Variants in SLC2A13 observed in about 807,000 individuals in gnomAD.
SLC2A13 encodes the protein solute carrier family 2 member 13.
Under a neutral mutation model 64.4 loss-of-function variants are expected in SLC2A13, and 32 were observed. The observed-to-expected ratio is 0.50, with a 90% CI of 0.37 to 0.67. The LOEUF (loss-of-function observed/expected upper bound fraction) is 0.67, where lower values mean the gene tolerates loss of function less well. Among genes scored for constraint, SLC2A13 ranks in the 30% least tolerant of loss-of-function variants. SLC2A13 has a pLI of 0.00. For synonymous variants in SLC2A13, 338 were observed against 327.1 expected (o/e 1.03, Z -0.36); for missense variants, 743 against 829.2 (o/e 0.90, Z 1.28).
intron 3 of SLC2A13, among the ~76,000 whole-genome samples, chr12:39,960,994 G>A (rs904650218): frequency 1.3e-5 from 2 of 150,206 alleles, no homozygotes; most frequent in African/African-American, 4.9e-5. Flanking sequence ...TGATCCACTC[G>A]TCTTGGCCTT....
Position 40,077,431 on chromosome 12 carries a change from T to C in SLC2A13, c.556+27822A>G, listed in dbSNP as rs186261984. ...GTAATCCTTTCCCCATTGCTTGTTA[T>C]TGTCGACTTTGTCAAAGATCAGATG... On this transcript the variant is annotated intron_variant, in intron 1 of 9. Coordinates refer to ENST00000280871, the MANE Select transcript of SLC2A13 (RefSeq NM_052885.4). Among the ~76,000 whole-genome samples, 6 of 152,336 alleles carry C rather than the reference T, an allele frequency of 3.9e-5. No individual in the cohort carries two copies. In the East Asian group the frequency reaches 1.2e-3, roughly 29 times the overall value.
At chr12:39,855,068 A>T (rs1467235325) in intron 6 of SLC2A13, among the ~76,000 whole-genome samples, 2 of 152,202 alleles carry the variant, frequency 1.3e-5, no homozygotes, top group African/African-American at 4.8e-5. Flanking sequence ...GCAACAACAG[A>T]AGTCACATAT....
At chr12:39,857,334 T>A (rs932586767) in intron 6 of SLC2A13, among the ~76,000 whole-genome samples, 8 of 152,178 alleles carry the variant, frequency 5.3e-5, no homozygotes, top group African/African-American at 1.9e-4. Flanking sequence ...CAGATTTACA[T>A]GCCTAAAATT....
At chr12:39,982,514 G>A (rs1011672603) in intron 3 of SLC2A13, among the ~76,000 whole-genome samples, 1 of 151,408 alleles carries the variant, frequency 6.6e-6, no homozygotes, top group African/African-American at 2.4e-5. Context: ...AAAATCACAA[G>A]CATTCTTATA....
chr12:39,811,083 T>G (rs1942143403), intron 7 of SLC2A13, among the ~76,000 whole-genome samples: 6 of 152,098 alleles, frequency 3.9e-5, no homozygotes, highest in Admixed American at 3.9e-4. Flanking sequence ...AATTTGATTT[T>G]TTAAATAGAT....
At chr12:40,092,712 G>T (rs181131520) in intron 1 of SLC2A13, among the ~76,000 whole-genome samples, 10 of 152,196 alleles carry the variant, frequency 6.6e-5, no homozygotes, top group African/African-American at 9.7e-5. Context: ...AATAAGAGGA[G>T]ATTTCAACTT....
chr12:39,826,092 T>C (rs537900554), intron 7 of SLC2A13, among the ~76,000 whole-genome samples: 9 of 152,266 alleles, frequency 5.9e-5, no homozygotes, highest in African/African-American at 2.2e-4. Context: ...TACTGAAATA[T>C]CTATACATTT....
At chr12:40,020,229 G>C (rs2136205814) in intron 3 of SLC2A13, among the ~76,000 whole-genome samples, 1 of 152,282 alleles carries the variant, frequency 6.6e-6, no homozygotes, top group East Asian at 1.9e-4. Flanking sequence ...ATGGTGATGT[G>C]GTTTGGCTCT....
At chr12:39,953,903 G>A (rs1946274441) in intron 3 of SLC2A13, among the ~76,000 whole-genome samples, 1 of 152,064 alleles carries the variant, frequency 6.6e-6, no homozygotes, top group Admixed American at 6.6e-5. Context: ...GTCCCACAAG[G>A]GCAGCCACTT....
chr12:40,013,426 G>T (rs531838933), intron 3 of SLC2A13, among the ~76,000 whole-genome samples: 4 of 152,264 alleles, frequency 2.6e-5, no homozygotes, highest in East Asian at 3.9e-4. Flanking sequence ...TCTGAGACAG[G>T]TATTACAACT....
At chr12:40,053,381 A>G (rs1565606679) in intron 1 of SLC2A13, among the ~76,000 whole-genome samples, 1 of 152,004 alleles carries the variant, frequency 6.6e-6, no homozygotes, top group Non-Finnish European at 1.5e-5. Context: ...CCCCAGAGAC[A>G]GATATAAAGA....
intron 1 of SLC2A13, among the ~76,000 whole-genome samples, chr12:40,051,268 G>T (rs538504048): frequency 1.3e-5 from 2 of 152,318 alleles, no homozygotes; most frequent in African/African-American, 4.8e-5. Flanking sequence ...CACAGAACAT[G>T]AGCTTAAATC....
chr12:39,863,749 A>C (rs1592218214), intron 6 of SLC2A13, among the ~76,000 whole-genome samples: 1 of 152,164 alleles, frequency 6.6e-6, no homozygotes, highest in Non-Finnish European at 1.5e-5. Context: ...TCGTGCTATG[A>C]TGCCTATTTT....
intron 7 of SLC2A13, among the ~76,000 whole-genome samples, chr12:39,799,081 CTT>C (rs1193979816): frequency 1.3e-4 from 18 of 133,456 alleles, no homozygotes; most frequent in Non-Finnish European, 1.8e-4. Flanking sequence ...TTTTTTTTTC[CTT>C]TTTTTTTTTT....
At chr12:39,789,407 T>C (rs1053064776) in intron 7 of SLC2A13, among the ~76,000 whole-genome samples, 1 of 152,180 alleles carries the variant, frequency 6.6e-6, no homozygotes, top group Non-Finnish European at 1.5e-5. Context: ...TGCATCATGA[T>C]ATACACTTTA....
intron 1 of SLC2A13, among the ~76,000 whole-genome samples, chr12:40,073,997 T>C (rs769117779): frequency 6.6e-6 from 1 of 152,120 alleles, no homozygotes; most frequent in Non-Finnish European, 1.5e-5. Context: ...TTTATATGTA[T>C]GTTACACCTT....
intron 4 of SLC2A13, among the ~76,000 whole-genome samples, chr12:39,923,694 GCGCACACA>G (rs1945661670): frequency 2.2e-5 from 3 of 137,330 alleles, no homozygotes; most frequent in South Asian, 4.9e-4. Flanking sequence ...ATATGCGCAC[GCGCACACA>G]CACACACACA....
At chr12:39,866,565 G>A (rs1051756332) in intron 5 of SLC2A13, among the ~76,000 whole-genome samples, 3 of 151,862 alleles carry the variant, frequency 2.0e-5, no homozygotes, top group African/African-American at 4.8e-5. Flanking sequence ...TGCAGGCTCC[G>A]CCCCCCGGGG....
chr12:39,842,999 A>G (rs1046931884), intron 6 of SLC2A13, among the ~76,000 whole-genome samples: 105 of 151,972 alleles, frequency 6.9e-4, no homozygotes, highest in African/African-American at 2.5e-3. Flanking sequence ...CACTTCATGT[A>G]TCTATTTGTC....
Sources: gnomAD v4.1 joint callset for allele counts (sites outside exome capture counted in the v4.1 genomes callset) on GRCh38, gnomAD v4.1.1 for gene constraint, MANE v1.5 for transcripts, NCBI Gene and HGNC (gene_info 2026-07-23, HGNC 2026-07-21) for gene names.